Variants in SLC1A4 observed in about 807,000 individuals in gnomAD.
The protein encoded by SLC1A4 is neutral amino acid transporter A.
SLC1A4 carries 19 observed loss-of-function variants against 37.7 expected under a neutral mutation model. The ratio of observed to expected loss-of-function variants is 0.50; its 90% confidence interval spans 0.35 to 0.74. The LOEUF is 0.74. SLC1A4 is among the 30% of genes least tolerant of loss of function. The pLI is 0.01. For synonymous variants in SLC1A4, 299 were observed against 309.8 expected (o/e 0.97, Z 0.37); for missense variants, 570 against 712.9 (o/e 0.80, Z 2.28).
At chr2:65,019,301 A>C (rs1485198810) in intron 7 of SLC1A4, among the ~76,000 whole-genome samples, 1 of 152,182 alleles carries the variant, frequency 6.6e-6, no homozygotes, top group Non-Finnish European at 1.5e-5. Flanking sequence ...ACTAAAGTTG[A>C]GACAGTAGAG....
In SLC1A4 at chr2:65,016,740, G is replaced by A. The variant is rs954411820; in HGVS notation, c.1034+67G>A. 1.2e-5 allele frequency: 12 copies of A among 984,576 alleles called. No individual in the cohort carries two copies. The Middle Eastern group carries it at 6.4e-4, about 52-fold the overall frequency. 61.0% of individuals were successfully genotyped at this position (984,576 alleles called of 1,614,324 possible). ...AACATGGAACCAGGTGAGCCCAGTG[G>A]TAGATGCACAACCAGTGTCTTGACA... On this transcript the variant is annotated intron_variant, in intron 5 of 7. Coordinates refer to ENST00000234256, the MANE Select transcript of SLC1A4 (RefSeq NM_003038.5).
At chr2:64,990,290 G>T in intron 1 of SLC1A4, 120 bp downstream of exon 1, 1 of 1,025,458 alleles carries the variant, frequency 9.8e-7, no homozygotes, top group Non-Finnish European at 1.4e-6. Context: ...GCTGCTGGTG[G>T]CGTTTAACGT....
intron 3 of SLC1A4, among the ~76,000 whole-genome samples, chr2:65,005,803 G>A (rs1673649589): frequency 6.6e-6 from 1 of 152,154 alleles, no homozygotes; most frequent in Non-Finnish European, 1.5e-5. Context: ...TGACCAGCCT[G>A]GGCAACAGAG....
intron 2 of SLC1A4, among the ~76,000 whole-genome samples, chr2:65,001,853 AAAAAT>A (rs1273953126): frequency 2.6e-5 from 4 of 152,228 alleles, no homozygotes; most frequent in Non-Finnish European, 5.9e-5. Context: ...CTCACTGCAA[AAAAAT>A]AAAATAAAAT....
chr2:65,012,817 T>G (rs1322139147), intron 4 of SLC1A4, among the ~76,000 whole-genome samples: 1 of 152,222 alleles, frequency 6.6e-6, no homozygotes, highest in African/African-American at 2.4e-5. Flanking sequence ...GGCCAGAGTA[T>G]TGCTTGAGCT....
At chr2:64,988,812 C>A (rs1672905482), upstream of SLC1A4, among the ~76,000 whole-genome samples, 1 of 152,190 alleles carries the variant, frequency 6.6e-6, no homozygotes, top group Non-Finnish European at 1.5e-5. Context: ...CCGCCCCGGG[C>A]CCCCTCACCG....
chr2:65,019,957 G>A (rs1216638696), intron 7 of SLC1A4, among the ~76,000 whole-genome samples: 1 of 152,234 alleles, frequency 6.6e-6, no homozygotes, highest in African/African-American at 2.4e-5. Context: ...CAGCTCCCCA[G>A]TGCCCTCAGG....
rs78878556 is a variant in SLC1A4 at position 65,005,068 on chromosome 2, T to C, written c.633+1053T>C. Among the ~76,000 whole-genome samples the C allele has an allele frequency of 7.8e-3, 1,190 of 152,360 alleles. 18 individuals are homozygous for C. The highest frequency in any genetic ancestry group is 0.026 in the African/African-American group (1,094 of 41,568). On this transcript the variant is annotated intron_variant, in intron 3 of 7. Coordinates refer to ENST00000234256, the MANE Select transcript of SLC1A4 (RefSeq NM_003038.5). The stretch of plus-strand genomic sequence containing the variant: ...TTCAGTTTACATCCACTTGATATTC[T>C]TGGAAAATCCAGTGAATACTAAAAC...
rs57019332 is a variant in SLC1A4 at position 65,007,270 on chromosome 2, TTGTG to T, written c.633+3271_633+3274del. Among the ~76,000 whole-genome samples the T allele has an allele frequency of 7.1e-4, 106 of 149,474 alleles. 1 individual carries two copies. The South Asian group carries it at 0.011, about 15-fold the overall frequency. On this transcript the variant is annotated intron_variant, in intron 3 of 7. Transcript: ENST00000234256. ...GGGCAAATAGATAGGAAGAGTGTGT[TTGTG>T]TGTGTGTGTGTGTGTCTGTGGTGAT...
chr2:64,991,208 C>G (rs1045978875), intron 1 of SLC1A4, among the ~76,000 whole-genome samples: 1 of 152,186 alleles, frequency 6.6e-6, no homozygotes. Flanking sequence ...AGTGACTTGC[C>G]TTTCCAACTG....
chr2:65,004,518 C>T (rs1018969012), intron 3 of SLC1A4, among the ~76,000 whole-genome samples: 2 of 151,974 alleles, frequency 1.3e-5, no homozygotes, highest in Admixed American at 6.6e-5. Flanking sequence ...GAACTCCTGG[C>T]TTCACATAAT....
chr2:65,022,294 G>T lies in SLC1A4; in HGVS notation c.*1148G>T, dbSNP rs1445879526. On this transcript the variant is annotated 3_prime_UTR_variant, in exon 8 of 8. Transcript: ENST00000234256. ...TAAAATTATCAGCGAAATGGTCCAT[G>T]TTTTTCCAATTACCTGCTGACACGG... The T allele has an allele frequency of 6.6e-6, 1 of 152,258 alleles. No individual in the cohort carries two copies. The highest frequency in any genetic ancestry group is 1.5e-5 in the Non-Finnish European group (1 of 68,040). The allele number at this position is 152,258 out of a possible 1,614,324, so 9.4% of individuals were successfully genotyped here. A position where few individuals can be genotyped will look rare whatever the true frequency, so the allele number is the denominator to read the frequency against.
At chr2:64,993,401 G>A (rs1229462716) in intron 1 of SLC1A4, among the ~76,000 whole-genome samples, 1 of 152,182 alleles carries the variant, frequency 6.6e-6, no homozygotes. Context: ...TCATTGCTGA[G>A]TGGTTTGATT....
intron 2 of SLC1A4, among the ~76,000 whole-genome samples, chr2:65,003,511 T>A (rs1327851301): frequency 6.6e-6 from 1 of 152,142 alleles, no homozygotes; most frequent in Non-Finnish European, 1.5e-5. Context: ...CATGCTCAAA[T>A]AAGTTCTAGA....
intron 1 of SLC1A4, among the ~76,000 whole-genome samples, chr2:64,999,190 A>G (rs894644421): frequency 1.3e-5 from 2 of 152,254 alleles, no homozygotes; most frequent in African/African-American, 4.8e-5. Flanking sequence ...TCTACTTTTT[A>G]AAAAGTAAAT....
At position 65,010,652 on chromosome 2, in the gene SLC1A4, C is replaced by A; in HGVS notation, c.689C>A (p.Ala230Asp). ...AACATTTTAGGATTGGTCCTGTTTGCTCTGGTGTTAGGAGTGGCCTTAAAG... is the reference window on the plus strand; with the variant it reads ...AACATTTTAGGATTGGTCCTGTTTGATCTGGTGTTAGGAGTGGCCTTAAAG... Reference protein sequence around the residue: ...GMNILGLVLFALVLGVALKKL... With the variant: ...GMNILGLVLFDLVLGVALKKL... The change falls in exon 4 of 8, where the codon GCT becomes GAT. Residue 230 changes from alanine (A) to aspartate (D), a missense_variant. Ala to Asp is a moderately radical substitution (Grantham distance 126). Transcript: ENST00000234256. The A allele has an allele frequency of 6.2e-7, 1 of 1,614,054 alleles. No individual in the cohort carries two copies. Among genetic ancestry groups the A allele is most frequent in the Non-Finnish European group, 8.5e-7 (1 of 1,179,944 alleles).
At chr2:65,012,239 G>A (rs770178207) in intron 4 of SLC1A4, among the ~76,000 whole-genome samples, 9 of 151,358 alleles carry the variant, frequency 5.9e-5, no homozygotes, top group Non-Finnish European at 1.2e-4. Context: ...ACAGATGACC[G>A]CCACCACGCC....
chr2:65,016,707 G>A, intron 5 of SLC1A4, 34 bp downstream of exon 5: 1 of 1,450,722 alleles, frequency 6.9e-7, no homozygotes. Flanking sequence ...ACTGCTCTGA[G>A]CCATGTTAAC....
In SLC1A4 at chr2:65,018,405, G is replaced by T; in HGVS notation, c.1229+140G>T. ...ATTCATTACTTGAAGAGCGTGTGTTGACTCTCAAGGGCGTAGCCAGCAGAG... is the reference window on the plus strand; with the variant it reads ...ATTCATTACTTGAAGAGCGTGTGTTTACTCTCAAGGGCGTAGCCAGCAGAG... On this transcript the variant is annotated intron_variant, in intron 6 of 7. Coordinates refer to ENST00000234256, the MANE Select transcript of SLC1A4 (RefSeq NM_003038.5). The surrounding 1 kb of genome is among the most constrained non-coding windows in gnomAD (Gnocchi z 4.3). 1 of 1,385,192 alleles carries T rather than the reference G, an allele frequency of 7.2e-7. No individual in the cohort carries two copies. The allele number at this position is 1,385,192 out of a possible 1,614,324, so 85.8% of individuals were successfully genotyped here. A position where few individuals can be genotyped will look rare whatever the true frequency, so the allele number is the denominator to read the frequency against.
Sources: gnomAD v4.1 joint callset for allele counts (sites outside exome capture counted in the v4.1 genomes callset) on GRCh38, gnomAD v4.1.1 for gene constraint, Gnocchi (gnomAD v3.1) non-coding constraint, MANE v1.5 for transcripts, NCBI Gene and HGNC (gene_info 2026-07-23, HGNC 2026-07-21) for gene names.